The following ANXA8 variants were observed in gnomAD, a reference collection of about 807,000 sequenced individuals.
ANXA8 encodes the protein VAC-beta.
Under a neutral mutation model 26.8 loss-of-function variants are expected in ANXA8, and 9 were observed. That is an observed-to-expected ratio of 0.34 (90% confidence interval 0.20 to 0.59). The LOEUF (loss-of-function observed/expected upper bound fraction) is 0.59. Ranked by LOEUF, ANXA8 falls within the 20% of genes least tolerant of loss-of-function variation. The pLI is 0.84. For synonymous variants in ANXA8, 39 were observed against 94.8 expected (o/e 0.41, Z 3.42); for missense variants, 83 against 238.5 (o/e 0.35, Z 4.29).
the ANXA8 span, chr10:47,502,628 C>G: frequency 6.2e-7 from 1 of 1,606,884 alleles, no homozygotes; most frequent in South Asian, 1.1e-5. Flanking sequence ...CCTGAGCATT[C>G]AATACACATG....
the ANXA8 span, chr10:47,496,297 G>C: frequency 6.6e-6 from 1 of 152,166 alleles, no homozygotes; most frequent in Non-Finnish European, 1.5e-5. Flanking sequence ...GTGACTGATG[G>C]GGTAGGTTTC....
the ANXA8 span, among the ~76,000 whole-genome samples, chr10:47,711,559 C>A: frequency 6.8e-6 from 1 of 147,474 alleles, no homozygotes; most frequent in Non-Finnish European, 1.5e-5. Flanking sequence ...ATAAGTCTAA[C>A]TTTGGACTTT....
the ANXA8 span, chr10:47,730,583 C>CT: frequency 1.0e-6 from 1 of 962,028 alleles, no homozygotes; most frequent in South Asian, 1.6e-5. Flanking sequence ...TAAATTAAAA[C>CT]TTTTTTCTAA....
chr10:47,969,840 C>G, the ANXA8 span, among the ~76,000 whole-genome samples: 7 of 151,240 alleles, frequency 4.6e-5, no homozygotes, highest in South Asian at 4.2e-4. Context: ...CTCAGCCTCC[C>G]AAAGTGCTGG....
the ANXA8 span, among the ~76,000 whole-genome samples, chr10:47,650,115 C>T: frequency 1.4e-5 from 2 of 146,716 alleles, no homozygotes; most frequent in Admixed American, 6.8e-5. Flanking sequence ...GGCTGAGGCA[C>T]GAGAATCTCT....
At chr10:47,645,633 A>C in the ANXA8 span, among the ~76,000 whole-genome samples, 1 of 151,668 alleles carries the variant, frequency 6.6e-6, no homozygotes, top group Non-Finnish European at 1.5e-5. Flanking sequence ...CCCTGTGATG[A>C]GTAACTTCAT....
the ANXA8 span, among the ~76,000 whole-genome samples, chr10:47,982,413 C>T: frequency 1.3e-5 from 2 of 150,402 alleles, no homozygotes; most frequent in African/African-American, 2.4e-5. Context: ...CAATATTAAA[C>T]CTTCACATTT....
At chr10:47,590,062 A>G in the ANXA8 span, 1 of 145,994 alleles carries the variant, frequency 6.8e-6, no homozygotes, top group Non-Finnish European at 1.5e-5. Context: ...AGTTCATCCT[A>G]TTATTCATTA....
At chr10:47,469,056 C>T in intron 11 of ANXA8, 150 bp from the exon 12 acceptor site, 1 of 1,269,076 alleles carries the variant, frequency 7.9e-7, no homozygotes, top group Non-Finnish European at 1.1e-6. Flanking sequence ...TGTGCCATCA[C>T]CCCTCTTTCC....
At chr10:47,679,227 AT>A in the ANXA8 span, among the ~76,000 whole-genome samples, 2 of 151,060 alleles carry the variant, frequency 1.3e-5, no homozygotes, top group South Asian at 2.1e-4. Flanking sequence ...GTGACTATAA[AT>A]TTTCCAAATC....
At chr10:47,502,248 T>C in the ANXA8 span, 296 of 1,592,290 alleles carry the variant, frequency 1.9e-4, 11 homozygotes, top group South Asian at 1.5e-3. Flanking sequence ...CCAGATGGAG[T>C]GCCGTGCAGC....
chr10:47,985,742 A>C, the ANXA8 span: 1 of 151,026 alleles, frequency 6.6e-6, no homozygotes, highest in Admixed American at 6.6e-5. Context: ...CTATTAAAAA[A>C]AAAAAAAGGC....
chr10:47,702,813 T>C, the ANXA8 span, among the ~76,000 whole-genome samples: 1 of 151,254 alleles, frequency 6.6e-6, no homozygotes, highest in Non-Finnish European at 1.5e-5. Context: ...TTTGTATTTC[T>C]TGTAGAGACT....
At chr10:47,651,845 G>T in the ANXA8 span, among the ~76,000 whole-genome samples, 4 of 151,736 alleles carry the variant, frequency 2.6e-5, no homozygotes, top group African/African-American at 9.7e-5. Context: ...AGTGAGCCGA[G>T]ATCATGCCAT....
the ANXA8 span, chr10:47,491,757 G>T: frequency 1.9e-6 from 3 of 1,543,936 alleles, no homozygotes; most frequent in Non-Finnish European, 2.6e-6. Flanking sequence ...GCCTATCTAG[G>T]CTCTGGGGCA....
the ANXA8 span, among the ~76,000 whole-genome samples, chr10:47,555,905 G>A: frequency 1.3e-5 from 2 of 152,042 alleles, no homozygotes; most frequent in African/African-American, 2.4e-5. Context: ...CAGAAAGCTA[G>A]GCAGCAGTGG....
At chr10:47,958,020 A>G in the ANXA8 span, among the ~76,000 whole-genome samples, 1 of 150,612 alleles carries the variant, frequency 6.6e-6, no homozygotes, top group African/African-American at 2.5e-5. Flanking sequence ...AAATAAGGTT[A>G]TAGTCACAGG....
chr10:47,894,778 C>G, the ANXA8 span, among the ~76,000 whole-genome samples: 1 of 152,292 alleles, frequency 6.6e-6, no homozygotes, highest in African/African-American at 2.4e-5. Flanking sequence ...CACCACACAT[C>G]ACAGCACACC....
At chr10:47,932,160 C>A in the ANXA8 span, among the ~76,000 whole-genome samples, 1 of 148,404 alleles carries the variant, frequency 6.7e-6, no homozygotes, top group Non-Finnish European at 1.5e-5. Flanking sequence ...TCCTGCACAG[C>A]CTTCCGAAGG....
Sources: gnomAD v4.1 joint callset for allele counts (sites outside exome capture counted in the v4.1 genomes callset) on GRCh38, gnomAD v4.1.1 for gene constraint, MANE v1.5 for transcripts, NCBI Gene and HGNC (gene_info 2026-07-23, HGNC 2026-07-21) for gene names.